TMEM117: variants seen among roughly 807,000 people sequenced by gnomAD.
TMEM117 encodes the protein transmembrane protein 117.
A neutral mutation model predicts 52.4 loss-of-function variants in TMEM117; 27 were observed. The ratio of observed to expected loss-of-function variants is 0.51; its 90% CI spans 0.38 to 0.71. The LOEUF is 0.71. Among genes scored for constraint, TMEM117 ranks in the 30% least tolerant of loss-of-function variants. The probability of loss-of-function intolerance (pLI) is 0.00; values close to 1 mark genes in which losing one functional copy is unlikely to be tolerated. For synonymous variants in TMEM117, 215 were observed against 206.3 expected, an observed-to-expected ratio of 1.04 and a Z score of -0.36; for missense variants, 556 against 630.5, an observed-to-expected ratio of 0.88 and a Z score of 1.26.
chr12:43,944,556 T>C (rs925901291), intron 3 of TMEM117, among the ~76,000 whole-genome samples: 1 of 152,190 alleles, frequency 6.6e-6, no homozygotes, highest in Admixed American at 6.5e-5. Flanking sequence ...TTTTGTTCTT[T>C]ATCCTTTAGG....
At chr12:44,000,026 C>A (rs748462713) in intron 3 of TMEM117, among the ~76,000 whole-genome samples, 44 of 152,290 alleles carry the variant, frequency 2.9e-4, no homozygotes, top group Middle Eastern at 3.4e-3. Flanking sequence ...CAATGATCAG[C>A]TGACTAATTG....
chr12:44,079,121 C>T (rs772016440), intron 3 of TMEM117, among the ~76,000 whole-genome samples: 1 of 152,022 alleles, frequency 6.6e-6, no homozygotes, highest in Non-Finnish European at 1.5e-5. Context: ...CATTGATGGA[C>T]ATTTGGGTTG....
intron 5 of TMEM117, among the ~76,000 whole-genome samples, chr12:44,265,763 C>T (rs1019841776): frequency 6.6e-6 from 1 of 152,124 alleles, no homozygotes; most frequent in Admixed American, 6.6e-5. Flanking sequence ...CCCATTCTCC[C>T]CTTCCCCAGG....
At chr12:43,985,131 A>T (rs1432724930) in intron 3 of TMEM117, among the ~76,000 whole-genome samples, 1 of 152,222 alleles carries the variant, frequency 6.6e-6, no homozygotes, top group African/African-American at 2.4e-5. Context: ...CAAAGAGGTC[A>T]AACGGTTGCT....
chr12:44,336,435 G>A (rs1565728786), intron 6 of TMEM117, among the ~76,000 whole-genome samples: 1 of 151,946 alleles, frequency 6.6e-6, no homozygotes, highest in Non-Finnish European at 1.5e-5. Context: ...TATTTGCCAT[G>A]AGCTACTAAT....
At chr12:43,930,734 A>T (rs954470271) in intron 2 of TMEM117, among the ~76,000 whole-genome samples, 9 of 152,204 alleles carry the variant, frequency 5.9e-5, no homozygotes, top group African/African-American at 2.2e-4. Context: ...GGAAGAAATC[A>T]GTATAATTAT....
intron 6 of TMEM117, among the ~76,000 whole-genome samples, chr12:44,316,429 A>C (rs1276809153): frequency 2.0e-5 from 3 of 152,124 alleles, no homozygotes; most frequent in Non-Finnish European, 2.9e-5. Context: ...CTGGCTTGTA[A>C]TATTTCAGCT....
At chr12:44,352,155 C>A (rs1008670495) in intron 6 of TMEM117, among the ~76,000 whole-genome samples, 1 of 151,930 alleles carries the variant, frequency 6.6e-6, no homozygotes, top group African/African-American at 2.4e-5. Flanking sequence ...GATGGACACC[C>A]CATTTTTCAT....
chr12:44,139,183 A>G (rs545015121), intron 3 of TMEM117, among the ~76,000 whole-genome samples: 21 of 152,166 alleles, frequency 1.4e-4, no homozygotes, highest in African/African-American at 4.6e-4. Context: ...ATGGATCCAT[A>G]TTGGTTTGGT....
At chr12:43,913,860 C>T (rs192839211) in intron 2 of TMEM117, among the ~76,000 whole-genome samples, 41 of 152,186 alleles carry the variant, frequency 2.7e-4, no homozygotes, top group Admixed American at 7.2e-4. Flanking sequence ...TTTATGTTTA[C>T]AGAGAATAGA....
intron 2 of TMEM117, among the ~76,000 whole-genome samples, chr12:43,888,509 G>C (rs964534466): frequency 6.0e-5 from 9 of 149,904 alleles, no homozygotes; most frequent in African/African-American, 2.2e-4. Context: ...TATTTATTGA[G>C]CCCTTATTGT....
rs1380131349 is a variant in TMEM117, at chr12:44,322,636, A to G, written c.768+22897A>G. 3.9e-5 allele frequency among the ~76,000 whole-genome samples: 6 copies of G among 152,292 alleles called. No individual in the cohort carries two copies. The East Asian group carries it at 9.6e-4, about 24-fold the overall frequency. ...CGTCTTTGAGATATGGTTTAAAACT[A>G]TGCTATAAAAAGGAACTTGCAAATC... On this transcript the variant is annotated intron_variant, in intron 6 of 7. Transcript: ENST00000266534.
At chr12:44,172,492 C>T (rs569403645) in intron 4 of TMEM117, among the ~76,000 whole-genome samples, 2 of 152,282 alleles carry the variant, frequency 1.3e-5, no homozygotes, top group South Asian at 4.1e-4. Context: ...AATCGCTCTC[C>T]TCTTCCTATT....
intron 6 of TMEM117, among the ~76,000 whole-genome samples, chr12:44,360,462 G>A (rs1412736681): frequency 6.6e-6 from 1 of 151,726 alleles, no homozygotes. Context: ...AGCTACTCGG[G>A]AGGCTGAGGC....
intron 3 of TMEM117, among the ~76,000 whole-genome samples, chr12:44,123,345 G>A (rs901856975): frequency 2.0e-5 from 3 of 151,968 alleles, no homozygotes; most frequent in African/African-American, 7.3e-5. Context: ...CATTCTGTAG[G>A]TTGTCTGTTT....
intron 5 of TMEM117, among the ~76,000 whole-genome samples, chr12:44,289,755 T>C (rs1950682226): frequency 2.0e-5 from 3 of 152,048 alleles, no homozygotes; most frequent in Non-Finnish European, 4.4e-5. Flanking sequence ...GGTTTCACTA[T>C]GTTGGCCAGG....
chr12:44,185,078 C>T (rs1387120845), intron 4 of TMEM117, among the ~76,000 whole-genome samples: 1 of 152,186 alleles, frequency 6.6e-6, no homozygotes, highest in Non-Finnish European at 1.5e-5. Context: ...TTACTCTGCA[C>T]TGCAATAGAA....
intron 3 of TMEM117, among the ~76,000 whole-genome samples, chr12:43,996,790 C>G (rs1017895605): frequency 2.6e-5 from 4 of 152,078 alleles, no homozygotes; most frequent in Admixed American, 6.6e-5. Context: ...AGTCTTTAGT[C>G]GGATCAGAGA....
At chr12:44,129,685 A>G (rs1038433638) in intron 3 of TMEM117, among the ~76,000 whole-genome samples, 1 of 152,180 alleles carries the variant, frequency 6.6e-6, no homozygotes, top group Non-Finnish European at 1.5e-5. Context: ...TTATGTATGT[A>G]AAAATGGTAG....
Sources: gnomAD v4.1 joint callset for allele counts (sites outside exome capture counted in the v4.1 genomes callset) on GRCh38, gnomAD v4.1.1 for gene constraint, MANE v1.5 for transcripts, NCBI Gene and HGNC (gene_info 2026-07-23, HGNC 2026-07-21) for gene names.